Variants in VEGFC observed in about 807,000 individuals in gnomAD.
VEGFC encodes vascular endothelial growth factor C, also known as FLT4 ligand DHM.
Under a neutral mutation model 46.1 loss-of-function variants are expected in VEGFC, and 12 were observed. The observed-to-expected ratio is 0.26, with a 90% CI of 0.17 to 0.42. The LOEUF (loss-of-function observed/expected upper bound fraction) is 0.42, where lower values mean the gene tolerates loss of function less well. Ranked by LOEUF, VEGFC falls within the 10% of genes least tolerant of loss-of-function variation. The pLI is 1.00. For missense variants in VEGFC, 488 were observed against 529.4 expected, an observed-to-expected ratio of 0.92 and a Z score of 0.77; for synonymous variants, 232 against 195.5, an observed-to-expected ratio of 1.19 and a Z score of -1.56.
chr4:176,765,381 T>C (rs1735602133), intron 1 of VEGFC, among the ~76,000 whole-genome samples: 1 of 151,840 alleles, frequency 6.6e-6, no homozygotes, highest in South Asian at 2.1e-4. Flanking sequence ...ATAGAGACTA[T>C]AAAGAAAAAG....
chr4:176,758,014 T>C (rs1315522509), intron 1 of VEGFC, among the ~76,000 whole-genome samples: 2 of 152,130 alleles, frequency 1.3e-5, no homozygotes, highest in African/African-American at 4.8e-5. Flanking sequence ...TCTGAAATTA[T>C]GTATTCTACT....
intron 3 of VEGFC, among the ~76,000 whole-genome samples, chr4:176,720,318 G>A (rs558330591): frequency 7.0e-4 from 107 of 152,054 alleles, no homozygotes; most frequent in Non-Finnish European, 1.3e-3. Context: ...CCCAGTTATT[G>A]TTCTAAAATT....
chr4:176,783,479 A>G (rs1185356098), intron 1 of VEGFC, among the ~76,000 whole-genome samples: 3 of 152,262 alleles, frequency 2.0e-5, no homozygotes, highest in Non-Finnish European at 4.4e-5. Context: ...ATGTTTCATT[A>G]ATAAACATTT....
intron 4 of VEGFC, among the ~76,000 whole-genome samples, chr4:176,691,633 A>G (rs867397703): frequency 1.5e-4 from 23 of 152,238 alleles, no homozygotes; most frequent in African/African-American, 5.3e-4. Context: ...AAATATGAGT[A>G]TATGTGTTTT....
At position 176,698,867 on chromosome 4, in the gene VEGFC, G is replaced by A. The variant is rs906360333; in HGVS notation, c.705-10940C>T. Among the ~76,000 whole-genome samples the A allele has an allele frequency of 7.9e-5, 12 of 151,912 alleles. No homozygotes were observed. In the East Asian group the frequency reaches 1.7e-3, roughly 22 times the overall value. ...CACAATTTCCTCCAGGTTATTTCAC[G>A]TTGTTGGAAATGACAGAATCTTTGT... On this transcript the variant is annotated intron_variant, in intron 4 of 6. Coordinates refer to ENST00000618562, the MANE Select transcript of VEGFC (RefSeq NM_005429.5).
rs915031485 is a variant in VEGFC at position 176,774,300 on chromosome 4, AATT to A, written c.147+17862_147+17864del. ...AATAAAAATTTTGATTCATATTTTG[AATT>A]ATTAAACCCAGCAAAAATTATGAGA... On this transcript the variant is annotated intron_variant, in intron 1 of 6. Coordinates refer to ENST00000618562, the MANE Select transcript of VEGFC (RefSeq NM_005429.5). Among the ~76,000 whole-genome samples, 3 of 152,138 alleles carry A rather than the reference AATT, an allele frequency of 2.0e-5. 1 individual carries two copies. Among genetic ancestry groups the A allele is most frequent in the African/African-American group, 7.2e-5 (3 of 41,436 alleles).
At chr4:176,773,913 G>A (rs959255647) in intron 1 of VEGFC, among the ~76,000 whole-genome samples, 1 of 151,676 alleles carries the variant, frequency 6.6e-6, no homozygotes, top group African/African-American at 2.4e-5. Context: ...CAGGCTGGTC[G>A]TGAACTCTTT....
At chr4:176,692,071 C>G (rs780844255) in intron 4 of VEGFC, among the ~76,000 whole-genome samples, 3 of 152,026 alleles carry the variant, frequency 2.0e-5, no homozygotes, top group Admixed American at 6.5e-5. Context: ...CACTCCCACC[C>G]GAATACTGCG....
intron 3 of VEGFC, among the ~76,000 whole-genome samples, chr4:176,722,488 G>GTTTTT (rs138526102): frequency 2.2e-5 from 3 of 134,980 alleles, no homozygotes; most frequent in Non-Finnish European, 3.0e-5. Context: ...TTTTTCTTTT[G>GTTTTT]TTTTTTTTTT....
At chr4:176,744,031 T>G (rs1053980902) in intron 1 of VEGFC, among the ~76,000 whole-genome samples, 2 of 152,170 alleles carry the variant, frequency 1.3e-5, no homozygotes, top group South Asian at 2.1e-4. Context: ...TAGCTATCCA[T>G]TCTCAAATTC....
At chr4:176,759,952 A>G (rs1366861044) in intron 1 of VEGFC, among the ~76,000 whole-genome samples, 1 of 152,088 alleles carries the variant, frequency 6.6e-6, no homozygotes, top group Non-Finnish European at 1.5e-5. Flanking sequence ...TAGCTTCCAA[A>G]TTTAGAGAAA....
intron 1 of VEGFC, among the ~76,000 whole-genome samples, chr4:176,763,492 A>T (rs1314352434): frequency 6.6e-6 from 1 of 152,216 alleles, no homozygotes; most frequent in African/African-American, 2.4e-5. Context: ...ACTCAATGAA[A>T]TATTTATAAG....
chr4:176,771,117 T>C (rs1735714787), intron 1 of VEGFC, among the ~76,000 whole-genome samples: 2 of 152,228 alleles, frequency 1.3e-5, no homozygotes, highest in Admixed American at 6.5e-5. Context: ...TTTTTGCTAG[T>C]ACAGCTTTTC....
At chr4:176,728,930 G>T (rs1734916422) in intron 2 of VEGFC, among the ~76,000 whole-genome samples, 1 of 151,962 alleles carries the variant, frequency 6.6e-6, no homozygotes, top group Non-Finnish European at 1.5e-5. Flanking sequence ...TCTGACTCTG[G>T]CTTCAAGCAA....
At chr4:176,693,239 G>C (rs1300007119) in intron 4 of VEGFC, among the ~76,000 whole-genome samples, 6 of 146,012 alleles carry the variant, frequency 4.1e-5, no homozygotes, top group Admixed American at 3.4e-4. Context: ...AAAAAATTTA[G>C]AAGAATGTAT....
At chr4:176,781,138 G>C (rs989319127) in intron 1 of VEGFC, among the ~76,000 whole-genome samples, 1 of 152,188 alleles carries the variant, frequency 6.6e-6, no homozygotes, top group South Asian at 2.1e-4. Context: ...TGATGGTCAT[G>C]ACTCATGAAT....
At chr4:176,754,109 A>G (rs539029212) in intron 1 of VEGFC, among the ~76,000 whole-genome samples, 2 of 152,176 alleles carry the variant, frequency 1.3e-5, no homozygotes, top group African/African-American at 4.8e-5. Context: ...CAGAATTCCA[A>G]CTTAGTTTTG....
intron 4 of VEGFC, among the ~76,000 whole-genome samples, chr4:176,691,028 AG>A (rs1314847033): frequency 6.6e-6 from 1 of 152,232 alleles, no homozygotes; most frequent in Non-Finnish European, 1.5e-5. Flanking sequence ...ACAAACCAAT[AG>A]AATGCATGTG....
intron 1 of VEGFC, among the ~76,000 whole-genome samples, chr4:176,764,567 A>G (rs1443537777): frequency 2.0e-5 from 3 of 152,226 alleles, no homozygotes; most frequent in Non-Finnish European, 2.9e-5. Context: ...GGTTACAAAA[A>G]TTGAAGTTCA....
Sources: gnomAD v4.1 joint callset for allele counts (sites outside exome capture counted in the v4.1 genomes callset) on GRCh38, gnomAD v4.1.1 for gene constraint, MANE v1.5 for transcripts, NCBI Gene and HGNC (gene_info 2026-07-23, HGNC 2026-07-21) for gene names.